The following FAM227A variants were observed in gnomAD, a reference collection of about 807,000 sequenced individuals.
The protein encoded by FAM227A is family with sequence similarity 227 member A.
FAM227A carries 80 observed loss-of-function variants against 74.7 expected under a neutral mutation model. That is an observed-to-expected ratio of 1.07 (90% CI 0.89 to 1.29). The LOEUF (loss-of-function observed/expected upper bound fraction) is 1.29. FAM227A is among the 50% of genes most tolerant of loss of function. The pLI, the probability that FAM227A is intolerant of heterozygous loss-of-function variation, is 0.00. For synonymous variants in FAM227A, 237 were observed against 241.8 expected, an observed-to-expected ratio of 0.98 and a Z score of 0.19; for missense variants, 654 against 683.4, an observed-to-expected ratio of 0.96 and a Z score of 0.48.
chr22:38,594,268 T>C (rs540127861), intron 15 of FAM227A, among the ~76,000 whole-genome samples: 5 of 152,282 alleles, frequency 3.3e-5, no homozygotes, highest in Non-Finnish European at 5.9e-5. Context: ...TTATGGTCAG[T>C]GTGTCTGCAT....
In FAM227A at chr22:38,608,080, A is replaced by G. The variant is rs545841198; in HGVS notation, c.1039-604T>C. 4.0e-5 allele frequency among the ~76,000 whole-genome samples: 6 copies of G among 151,650 alleles called. No homozygotes were observed. The South Asian group carries it at 8.4e-4, about 21-fold the overall frequency. ...TTATGTTTGAATGTGACAGAGACTCAAAATAACAGTGGCTCAAACTAGGTA... is the reference window on the plus strand; with the variant it reads ...TTATGTTTGAATGTGACAGAGACTCGAAATAACAGTGGCTCAAACTAGGTA... On this transcript the variant is annotated intron_variant, in intron 11 of 16. Coordinates refer to ENST00000535113, the MANE Select transcript of FAM227A (RefSeq NM_001013647.2).
chr22:38,650,402 C>G, intron 1 of FAM227A, 140 bp from the exon 2 acceptor site: 1 of 518,352 alleles, frequency 1.9e-6, no homozygotes. Context: ...GTCTGAGAAG[C>G]CTATTCTTAA....
intron 6 of FAM227A, among the ~76,000 whole-genome samples, chr22:38,633,423 G>A (rs536097601): frequency 6.6e-6 from 1 of 152,332 alleles, no homozygotes; most frequent in South Asian, 2.1e-4. Flanking sequence ...CACTCAGGCT[G>A]TGCCCAGGCA....
At chr22:38,649,544 C>T (rs7287418) in intron 2 of FAM227A, among the ~76,000 whole-genome samples, 6 of 140,652 alleles carry the variant, frequency 4.3e-5, no homozygotes, top group East Asian at 2.1e-4. Context: ...CCAGCCTGGG[C>T]AACAGAGTGA....
chr22:38,583,161 G>A lies in FAM227A; in HGVS notation c.*2964C>T. The A allele has an allele frequency of 2.2e-6, 1 of 461,732 alleles. No individual in the cohort carries two copies. The highest frequency in any genetic ancestry group is 3.8e-6 in the Non-Finnish European group (1 of 260,232). 28.6% of individuals were successfully genotyped at this position (461,732 alleles called of 1,614,324 possible). A position where few individuals can be genotyped will look rare whatever the true frequency, so the allele number is the denominator to read the frequency against. Reference sequence around the variant, plus strand: ...CAGGTGCTCACACGTTCTGGTTTCAGAAGACTATACTTTTTTTTTTTTTTT... The same window carrying A: ...CAGGTGCTCACACGTTCTGGTTTCAAAAGACTATACTTTTTTTTTTTTTTT... On this transcript the variant is annotated 3_prime_UTR_variant, in exon 17 of 17. Coordinates refer to ENST00000535113, the MANE Select transcript of FAM227A (RefSeq NM_001013647.2).
At chr22:38,599,657 G>C in intron 14 of FAM227A, 107 bp downstream of exon 14, 1 of 1,037,528 alleles carries the variant, frequency 9.6e-7, no homozygotes, top group Non-Finnish European at 1.3e-6. Context: ...CACATGGTGT[G>C]CCAGGCGCTG....
At chr22:38,599,698 T>C in intron 14 of FAM227A, 66 bp downstream of exon 14, 7 of 1,448,788 alleles carry the variant, frequency 4.8e-6, no homozygotes, top group Non-Finnish European at 5.5e-6. Context: ...TCCCTGACCT[T>C]TGCTTCTGGG....
chr22:38,642,917 CAG>C (rs2092146860), intron 3 of FAM227A, among the ~76,000 whole-genome samples: 1 of 152,016 alleles, frequency 6.6e-6, no homozygotes, highest in Non-Finnish European at 1.5e-5. Context: ...GCCTGGGTGA[CAG>C]AGTGAGACTC....
At chr22:38,597,097 GT>G in intron 15 of FAM227A, 106 bp downstream of exon 15, 1 of 1,009,972 alleles carries the variant, frequency 9.9e-7, no homozygotes, top group South Asian at 1.6e-5. Flanking sequence ...GCTTATGATG[GT>G]TACAGGAAAC....
Position 38,605,332 on chromosome 22 carries a change from G to C in FAM227A, c.1143C>G (p.Thr381=). 6.5e-7 allele frequency: 1 copy of C among 1,547,052 alleles called. No individual in the cohort carries two copies. Among genetic ancestry groups the C allele is most frequent in the Non-Finnish European group, 8.8e-7 (1 of 1,142,580 alleles). ...QNTAKEHHCQ[T]LVLKKPTQEV... The stretch of plus-strand genomic sequence containing the variant: ...CTTGCGTAGGTTTCTTCAAGACCAG[G>C]GTCTGACAATGATGCTCTGTCAATG... The change falls in exon 13 of 17, where the codon ACC becomes ACG. Residue 381 remains threonine, a synonymous_variant. Transcript: ENST00000535113.
intron 13 of FAM227A, among the ~76,000 whole-genome samples, chr22:38,601,608 G>T (rs1228341556): frequency 6.6e-6 from 1 of 152,142 alleles, no homozygotes; most frequent in African/African-American, 2.4e-5. Flanking sequence ...TGACTGTGAG[G>T]GTAAGAATGG....
chr22:38,609,641 C>T (rs1395773237), intron 11 of FAM227A, among the ~76,000 whole-genome samples: 1 of 152,176 alleles, frequency 6.6e-6, no homozygotes, highest in Non-Finnish European at 1.5e-5. Flanking sequence ...CAGGAGAAAG[C>T]CGAAAGGACT....
At chr22:38,655,029 A>G (rs1489829966) in intron 1 of FAM227A, among the ~76,000 whole-genome samples, 3 of 151,462 alleles carry the variant, frequency 2.0e-5, no homozygotes, top group Non-Finnish European at 4.4e-5. Context: ...AGTCCCAGCT[A>G]CTTGGGAGGC....
intron 1 of FAM227A, among the ~76,000 whole-genome samples, chr22:38,652,348 G>A (rs1406383095): frequency 1.3e-5 from 2 of 152,118 alleles, no homozygotes. Context: ...CAGCACTTTG[G>A]GAGGCCGAGG....
chr22:38,654,775 CA>C (rs34383650), intron 1 of FAM227A, among the ~76,000 whole-genome samples: 31,875 of 84,972 alleles, frequency 0.38, 4,071 homozygotes, highest in East Asian at 0.49. Flanking sequence ...CTAAAAATAC[CA>C]AAAAAAAAAA....
In FAM227A at chr22:38,620,302, G is replaced by A. The variant is rs759593244; in HGVS notation, c.959-11C>T. 8.2e-5 allele frequency: 126 copies of A among 1,541,728 alleles called. 1 individual carries two copies. The highest frequency in any genetic ancestry group is 9.9e-5 in the Non-Finnish European group (113 of 1,138,150). On this transcript the variant is annotated splice_polypyrimidine_tract_variant and intron_variant, in intron 10 of 16. Coordinates refer to ENST00000535113, the MANE Select transcript of FAM227A (RefSeq NM_001013647.2). ...AAGAAAACTCTCTCCCTATAGAAGG[G>A]GAAAAGCTGTTATTAATTCCTCTTG...
chr22:38,651,269 A>G (rs2092317618), intron 1 of FAM227A, among the ~76,000 whole-genome samples: 1 of 152,204 alleles, frequency 6.6e-6, no homozygotes, highest in Non-Finnish European at 1.5e-5. Context: ...CATCTATCAC[A>G]GGACTCACAA....
intron 5 of FAM227A, 145 bp downstream of exon 5, chr22:38,638,601 T>A: frequency 1.5e-6 from 1 of 668,916 alleles, no homozygotes; most frequent in Non-Finnish European, 2.6e-6. Flanking sequence ...AAGGGTGTTA[T>A]GAGAAATTCT....
intron 6 of FAM227A, among the ~76,000 whole-genome samples, chr22:38,633,109 A>G (rs1159228565): frequency 1.3e-5 from 2 of 152,208 alleles, no homozygotes; most frequent in Non-Finnish European, 2.9e-5. Flanking sequence ...AGCTGATGCC[A>G]AGAGTGAGGG....
Sources: allele counts gnomAD v4.1 joint callset (sites outside exome capture counted in the v4.1 genomes callset), GRCh38; gene constraint gnomAD v4.1.1; transcripts MANE v1.5; gene names NCBI Gene and HGNC (gene_info 2026-07-23, HGNC 2026-07-21).